Variants in MAP3K5 observed in about 807,000 individuals in gnomAD.
MAP3K5 encodes mitogen-activated protein kinase kinase kinase 5.
A neutral mutation model predicts 158.7 loss-of-function variants in MAP3K5; 56 were observed. That is an observed-to-expected ratio of 0.35 (90% CI 0.28 to 0.44). The LOEUF is 0.44. Among genes scored for constraint, MAP3K5 ranks in the 20% least tolerant of loss-of-function variants. MAP3K5 has a pLI of 1.00. For synonymous variants in MAP3K5, 579 were observed against 601.7 expected (o/e 0.96, Z 0.55); for missense variants, 1,294 against 1,674.8 (o/e 0.77, Z 3.97).
chr6:136,599,013 A>G (rs1206941376), intron 21 of MAP3K5, among the ~76,000 whole-genome samples: 1 of 152,142 alleles, frequency 6.6e-6, no homozygotes, highest in African/African-American at 2.4e-5. Context: ...TTTACTAAAA[A>G]TACAAAAATT....
intron 2 of MAP3K5, among the ~76,000 whole-genome samples, chr6:136,707,533 G>T (rs1032341486): frequency 6.6e-6 from 1 of 151,536 alleles, no homozygotes; most frequent in Admixed American, 6.6e-5. Flanking sequence ...GGGGACCTAT[G>T]GAAGAGTGAA....
At chr6:136,575,990 A>T (rs1265973807) in intron 25 of MAP3K5, among the ~76,000 whole-genome samples, 1 of 152,130 alleles carries the variant, frequency 6.6e-6, no homozygotes, top group Non-Finnish European at 1.5e-5. Flanking sequence ...CCTTGCCTGC[A>T]ATAATTATTA....
intron 10 of MAP3K5, among the ~76,000 whole-genome samples, chr6:136,651,644 T>A (rs1284666828): frequency 6.6e-6 from 1 of 152,174 alleles, no homozygotes; most frequent in Non-Finnish European, 1.5e-5. Flanking sequence ...TATGAAATAA[T>A]AAACACGTTT....
chr6:136,621,089 G>T (rs182509584), intron 15 of MAP3K5, among the ~76,000 whole-genome samples: 17 of 151,846 alleles, frequency 1.1e-4, no homozygotes, highest in Admixed American at 1.0e-3. Flanking sequence ...TTTTGTAGTT[G>T]TCACACAGTT....
At chr6:136,736,612 G>A (rs1782472174) in intron 1 of MAP3K5, among the ~76,000 whole-genome samples, 1 of 152,146 alleles carries the variant, frequency 6.6e-6, no homozygotes, top group Non-Finnish European at 1.5e-5. Context: ...TGACTATAAT[G>A]AAAGAGTCTG....
chr6:136,644,978 G>C (rs1295237526), intron 11 of MAP3K5, among the ~76,000 whole-genome samples: 2 of 152,142 alleles, frequency 1.3e-5, no homozygotes, highest in Non-Finnish European at 2.9e-5. Flanking sequence ...ATCCAGGCTG[G>C]AGTGTAGTGG....
chr6:136,694,479 T>C (rs550829580), intron 6 of MAP3K5, among the ~76,000 whole-genome samples, 169 bp from the exon 7 acceptor site: 2 of 152,374 alleles, frequency 1.3e-5, no homozygotes, highest in Admixed American at 1.3e-4. Flanking sequence ...GCCTAATTTT[T>C]TGTTTTATCC....
At chr6:136,752,582 T>C (rs1783263211) in intron 1 of MAP3K5, among the ~76,000 whole-genome samples, 1 of 152,120 alleles carries the variant, frequency 6.6e-6, no homozygotes, top group Non-Finnish European at 1.5e-5. Flanking sequence ...CAGCTCATTT[T>C]TGTATTTTTA....
intron 26 of MAP3K5, among the ~76,000 whole-genome samples, chr6:136,563,076 T>C (rs1327000949): frequency 6.6e-6 from 1 of 152,054 alleles, no homozygotes; most frequent in Non-Finnish European, 1.5e-5. Flanking sequence ...GGGGGTGAGT[T>C]CTGAGACTGT....
chr6:136,651,215 G>A, intron 10 of MAP3K5, 124 bp from the exon 11 acceptor site: 1 of 537,956 alleles, frequency 1.9e-6, no homozygotes. Flanking sequence ...TGTTCCTGGA[G>A]TAAACCATTT....
rs752291889 is a variant in MAP3K5, at chr6:136,605,278, T to C, written c.2610A>G (p.Thr870=). ...GTTTTCCTGTGGCCATTTCAATGAT[T>C]GTACAGCCCAGAGACCAGATGTCTG... The part of the protein sequence containing the change: ...KAADIWSLGC[T]IIEMATGKPP... The change falls in exon 19 of 30, where the codon ACA becomes ACG. Residue 870 remains threonine, a synonymous_variant. Coordinates refer to ENST00000359015, the MANE Select transcript of MAP3K5 (RefSeq NM_005923.4). The C allele has an allele frequency of 2.5e-6, 4 of 1,614,060 alleles. No homozygotes were observed. Among genetic ancestry groups the C allele is most frequent in the Non-Finnish European group, 3.4e-6 (4 of 1,180,004 alleles).
At chr6:136,631,751 T>C (rs1777367234) in intron 14 of MAP3K5, among the ~76,000 whole-genome samples, 2 of 152,080 alleles carry the variant, frequency 1.3e-5, no homozygotes, top group Admixed American at 1.3e-4. Flanking sequence ...AACTCTGATT[T>C]TGTCACTGCC....
intron 1 of MAP3K5, among the ~76,000 whole-genome samples, chr6:136,751,125 T>A (rs987644861): frequency 1.3e-5 from 2 of 150,688 alleles, no homozygotes; most frequent in Admixed American, 1.3e-4. Flanking sequence ...GCTGATAATC[T>A]CTGCTTCTCT....
intron 19 of MAP3K5, among the ~76,000 whole-genome samples, chr6:136,602,310 CTTTT>C (rs1260175066): frequency 6.6e-6 from 1 of 151,652 alleles, no homozygotes; most frequent in Non-Finnish European, 1.5e-5. Context: ...TTCTTTCTTT[CTTTT>C]TTTTGAGACA....
At chr6:136,636,821 T>C in intron 14 of MAP3K5, 1 of 984,114 alleles carries the variant, frequency 1.0e-6, no homozygotes, top group Non-Finnish European at 1.2e-6. Context: ...GTATCCATAG[T>C]GCTCTGTGTC....
At chr6:136,763,366 G>A (rs1278434335) in intron 1 of MAP3K5, among the ~76,000 whole-genome samples, 1 of 151,924 alleles carries the variant, frequency 6.6e-6, no homozygotes, top group East Asian at 1.9e-4. Context: ...ATCTTTAGCT[G>A]TCTTGTCTCT....
chr6:136,786,652 CAAAG>C (rs1784856772), intron 1 of MAP3K5, among the ~76,000 whole-genome samples: 1 of 151,860 alleles, frequency 6.6e-6, no homozygotes, highest in South Asian at 2.1e-4. Context: ...CAACTGTAGT[CAAAG>C]AAGAAATTAA....
chr6:136,642,502 T>G lies in MAP3K5; in HGVS notation c.1838+18A>C. 1 of 1,584,266 alleles carries G rather than the reference T, an allele frequency of 6.3e-7. No homozygotes were observed. Among genetic ancestry groups the G allele is most frequent in the South Asian group, 1.1e-5 (1 of 90,344 alleles). On this transcript the variant is annotated intron_variant, in intron 12 of 29. Transcript: ENST00000359015. Reference sequence around the variant, plus strand: ...AAAAATGTCTTATAAGTTAACAAAATGTACCAAGGAAACTTACCTCACTCC... The same window carrying G: ...AAAAATGTCTTATAAGTTAACAAAAGGTACCAAGGAAACTTACCTCACTCC...
At chr6:136,760,406 C>T (rs1562682137) in intron 1 of MAP3K5, among the ~76,000 whole-genome samples, 1 of 151,912 alleles carries the variant, frequency 6.6e-6, no homozygotes, top group Admixed American at 6.6e-5. Context: ...AAAGAAAAGG[C>T]AAAAGATTTT....
Sources: allele counts gnomAD v4.1 joint callset (sites outside exome capture counted in the v4.1 genomes callset), GRCh38; gene constraint gnomAD v4.1.1; transcripts MANE v1.5; gene names NCBI Gene and HGNC (gene_info 2026-07-23, HGNC 2026-07-21).